GEMIN8: variants seen among roughly 807,000 people sequenced by gnomAD.
The protein encoded by GEMIN8 is gem-associated protein 8.
For missense variants in GEMIN8, 185 were observed against 205.9 expected (o/e 0.90, Z 0.62); for synonymous variants, 80 against 78.5 (o/e 1.02, Z -0.10).
downstream of GEMIN8, among the ~76,000 whole-genome samples, chrX:14,001,839 G>A (rs1169280204): frequency 9.6e-6 from 1 of 103,883 alleles, no homozygotes; most frequent in Admixed American, 1.0e-4. Flanking sequence ...AAGTCCATTT[G>A]TGGCCTGGCT....
At chrX:14,006,590 A>T (rs1424509692), downstream of GEMIN8, among the ~76,000 whole-genome samples, 1 of 111,802 alleles carries the variant, frequency 8.9e-6, no homozygotes, top group Non-Finnish European at 1.9e-5. Flanking sequence ...AGCAGGAGGA[A>T]GGATGGGCTG....
At chrX:14,016,860 A>ATATAT (rs1284335450) in intron 4 of GEMIN8, among the ~76,000 whole-genome samples, 4 of 79,012 alleles carry the variant, frequency 5.1e-5, no homozygotes, top group African/African-American at 2.3e-4. Context: ...AAAAAAAAAA[A>ATATAT]AAAAAAATAT....
intron 4 of GEMIN8, 40 bp from the exon 5 acceptor site, chrX:14,009,209 C>A (rs770694376): frequency 8.5e-7 from 1 of 1,182,599 alleles, no homozygotes; most frequent in Middle Eastern, 2.4e-4. Flanking sequence ...CATAAACACA[C>A]GTGTGTGCAC....
chrX:13,992,168 C>T, the GEMIN8 span, among the ~76,000 whole-genome samples: 1 of 111,880 alleles, frequency 8.9e-6, no homozygotes, highest in Admixed American at 9.6e-5. Context: ...ATGTATACAA[C>T]GTAAATGTCA....
chrX:13,984,590 T>C, the GEMIN8 span, among the ~76,000 whole-genome samples: 1 of 111,650 alleles, frequency 9.0e-6, no homozygotes, highest in Non-Finnish European at 1.9e-5. Flanking sequence ...AAAAATCTGC[T>C]GATCCCTGAT....
chrX:13,999,612 T>A, the GEMIN8 span, among the ~76,000 whole-genome samples: 1 of 111,523 alleles, frequency 9.0e-6, no homozygotes, highest in East Asian at 2.8e-4. Context: ...TCCACTAATA[T>A]CCTTTTTCTG....
chrX:14,010,584 G>C (rs902185330), intron 4 of GEMIN8, among the ~76,000 whole-genome samples: 8 of 112,547 alleles, frequency 7.1e-5, no homozygotes, highest in African/African-American at 2.6e-4. Context: ...ATAAGGCCAT[G>C]CATAGTCGCT....
In GEMIN8 at chrX:14,021,225, T is replaced by C. The variant is rs569358468; in HGVS notation, c.15+239A>G. Among the ~76,000 whole-genome samples, 42 of 79,174 alleles carry C rather than the reference T, an allele frequency of 5.3e-4. 2 individuals are homozygous for C. The South Asian group carries it at 0.03, about 57-fold the overall frequency. 68.8% of individuals were successfully genotyped at this position (79,174 alleles called of 115,157 possible). ...ACACATGGACACAGGAAGGGGAACA[T>C]CACACACCAGGGACTGTTGTGGGGT... On this transcript the variant is annotated intron_variant, in intron 3 of 4. Transcript: ENST00000680255.
At chrX:14,026,451 A>C in intron 1 of GEMIN8, 5 of 713,861 alleles carry the variant, frequency 7.0e-6, no homozygotes, top group Non-Finnish European at 8.3e-6. Flanking sequence ...GCAGAGACTG[A>C]GTCTTGAATG....
intron 4 of GEMIN8, among the ~76,000 whole-genome samples, chrX:14,015,270 C>T (rs2147124989): frequency 8.9e-6 from 1 of 112,180 alleles, no homozygotes; most frequent in South Asian, 3.7e-4. Context: ...CTTATGACTA[C>T]AAAATGGTAT....
At chrX:13,993,671 A>G in the GEMIN8 span, among the ~76,000 whole-genome samples, 1 of 109,574 alleles carries the variant, frequency 9.1e-6, no homozygotes, top group African/African-American at 3.3e-5. Flanking sequence ...CAATCCTCCC[A>G]CTTCAAGCCT....
At chrX:14,028,530 T>A (rs555346964) in intron 1 of GEMIN8, among the ~76,000 whole-genome samples, 3 of 112,103 alleles carry the variant, frequency 2.7e-5, no homozygotes, top group Non-Finnish European at 5.6e-5. Context: ...CAAAAAAAGT[T>A]CTGTACCTAC....
In GEMIN8 at chrX:14,009,041, T is replaced by C; in HGVS notation, c.601A>G (p.Met201Val). 8.3e-7 allele frequency: 1 copy of C among 1,212,028 alleles called. No homozygotes were observed. Among genetic ancestry groups the C allele is most frequent in the African/African-American group, 1.7e-5 (1 of 57,903 alleles). ...ERPGERRQAE[M>V]KRLYGDSAAK... is the part of the protein sequence containing the mutation. Reference sequence around the variant, plus strand: ...GCACTGTCCCCGTACAAACGCTTCATCTCGGCCTGGCGCCGCTCACCAGGC... The same window carrying C: ...GCACTGTCCCCGTACAAACGCTTCACCTCGGCCTGGCGCCGCTCACCAGGC... Residue 201 changes from methionine (M) to valine (V), a missense_variant, in exon 5 of 5, where the codon ATG becomes GTG. Physicochemically the swap from Met to Val is conservative, Grantham distance 21. Coordinates refer to ENST00000680255, the MANE Select transcript of GEMIN8 (RefSeq NM_001042479.2).
downstream of GEMIN8, among the ~76,000 whole-genome samples, chrX:14,006,394 G>A (rs377278994): frequency 3.2e-4 from 36 of 110,780 alleles, no homozygotes; most frequent in African/African-American, 9.2e-4. Flanking sequence ...GACACAGGGA[G>A]AATAGCCATC....
chrX:14,021,547 A>C, intron 2 of GEMIN8, 36 bp from the exon 3 acceptor site: 1 of 1,022,328 alleles, frequency 9.8e-7, no homozygotes, highest in Non-Finnish European at 1.4e-6. Context: ...ACGTCTGATC[A>C]GTATGGCTGT....
intron 1 of GEMIN8, among the ~76,000 whole-genome samples, chrX:14,026,780 T>TGGAA (rs1377207410): frequency 4.4e-5 from 5 of 112,738 alleles, no homozygotes; most frequent in Admixed American, 2.8e-4. Flanking sequence ...AAAACTAGAA[T>TGGAA]GTATACTTGA....
Position 14,008,050 on chromosome X carries a change from G to A in GEMIN8, c.*863C>T, listed in dbSNP as rs1303338661. ...GTTGGAGTGCAGTGGCGCGATCTCA[G>A]CTCACTGCAACCTCTGCCTCCTGGG... On this transcript the variant is annotated 3_prime_UTR_variant, in exon 5 of 5. Coordinates refer to ENST00000680255, the MANE Select transcript of GEMIN8 (RefSeq NM_001042479.2). 9.0e-6 allele frequency among the ~76,000 whole-genome samples: 1 copy of A among 110,651 alleles called. No homozygotes were observed. Among genetic ancestry groups the A allele is most frequent in the African/African-American group, 3.3e-5 (1 of 30,374 alleles).
At chrX:14,003,796 A>C (rs1201923244), downstream of GEMIN8, among the ~76,000 whole-genome samples, 1 of 112,597 alleles carries the variant, frequency 8.9e-6, no homozygotes, top group East Asian at 2.8e-4. Context: ...TGCTAAAGAA[A>C]TTAGTATTTG....
chrX:14,024,807 T>C (rs1321034728), intron 2 of GEMIN8, among the ~76,000 whole-genome samples: 1 of 111,910 alleles, frequency 8.9e-6, no homozygotes, highest in East Asian at 2.8e-4. Context: ...ACCCAGGACA[T>C]TATGAAAGGA....
Sources: gnomAD v4.1 joint callset for allele counts (sites outside exome capture counted in the v4.1 genomes callset) on GRCh38, gnomAD v4.1.1 for gene constraint, MANE v1.5 for transcripts, NCBI Gene and HGNC (gene_info 2026-07-23, HGNC 2026-07-21) for gene names.